Variants in HPCAL1 observed in about 807,000 individuals in gnomAD.
HPCAL1 encodes the protein hippocalcin like 1.
Under a neutral mutation model 17.1 loss-of-function variants are expected in HPCAL1, and 8 were observed. The ratio of observed to expected loss-of-function variants is 0.47; its 90% confidence interval spans 0.27 to 0.84. The LOEUF (loss-of-function observed/expected upper bound fraction) is 0.84, where lower values mean the gene tolerates loss of function less well. HPCAL1 is among the 40% of genes least tolerant of loss of function. The pLI is 0.13. For missense variants in HPCAL1, 165 were observed against 271.1 expected (o/e 0.61, Z 2.75); for synonymous variants, 112 against 111.4 (o/e 1.01, Z -0.03).
intron 1 of HPCAL1, among the ~76,000 whole-genome samples, chr2:10,316,935 T>TA (rs953692887): frequency 6.6e-6 from 1 of 152,076 alleles, no homozygotes; most frequent in Non-Finnish European, 1.5e-5. Context: ...GATACCACAT[T>TA]AAAAAAAATT....
intron 1 of HPCAL1, among the ~76,000 whole-genome samples, chr2:10,315,292 C>CA (rs5829256): frequency 0.57 from 76,953 of 134,182 alleles, 20,670 homozygotes; most frequent in East Asian, 0.79. Context: ...GACTCCGTCT[C>CA]AAAAAAAAAA....
At chr2:10,314,507 G>T (rs1663184040) in intron 1 of HPCAL1, among the ~76,000 whole-genome samples, 1 of 152,212 alleles carries the variant, frequency 6.6e-6, no homozygotes, top group Admixed American at 6.5e-5. Context: ...AGCATTGAAG[G>T]TTGGCAGTCA....
chr2:10,373,806 GC>G (rs1667377577), intron 1 of HPCAL1, among the ~76,000 whole-genome samples: 1 of 152,090 alleles, frequency 6.6e-6, no homozygotes, highest in Non-Finnish European at 1.5e-5. Context: ...GGGAGGCTCA[GC>G]CCCCACACTG....
intron 2 of HPCAL1, chr2:10,408,725 G>A (rs1468684061): frequency 6.6e-6 from 1 of 152,220 alleles, no homozygotes; most frequent in Non-Finnish European, 1.5e-5. Context: ...GAACCGTGTG[G>A]GACTCACAGG....
At chr2:10,318,017 G>T (rs1250029664) in intron 1 of HPCAL1, among the ~76,000 whole-genome samples, 2 of 152,134 alleles carry the variant, frequency 1.3e-5, no homozygotes, top group African/African-American at 2.4e-5. Context: ...TTATTCAGAG[G>T]CATTTTTCAG....
rs115464761 is a variant in HPCAL1, at chr2:10,404,752, C to T, written c.-25+7832C>T. ...TTTTCTTTATTTTCTCTTTGAAGAACAGGAGTTGGAATTTCACTCACCCTG... is the reference window on the plus strand; with the variant it reads ...TTTTCTTTATTTTCTCTTTGAAGAATAGGAGTTGGAATTTCACTCACCCTG... On this transcript the variant is annotated intron_variant, in intron 2 of 4. Transcript: ENST00000307845. 4.3e-3 allele frequency among the ~76,000 whole-genome samples: 658 copies of T among 152,326 alleles called. 7 individuals are homozygous for T. The highest frequency in any genetic ancestry group is 0.015 in the African/African-American group (635 of 41,588).
chr2:10,420,210 T>A, intron 3 of HPCAL1, 75 bp downstream of exon 3: 3 of 270,228 alleles, frequency 1.1e-5, no homozygotes, highest in Non-Finnish European at 9.7e-6. Flanking sequence ...AGCCCAGGGC[T>A]TTTTTTTTTT....
chr2:10,399,501 ATCACCACCACCG>A (rs1558518541), intron 2 of HPCAL1, among the ~76,000 whole-genome samples: 54 of 139,036 alleles, frequency 3.9e-4, no homozygotes, highest in African/African-American at 1.4e-3. Context: ...CACCATCACC[ATCACCACCACCG>A]CCGCCACCAC....
At chr2:10,355,959 C>CATT (rs2125474639) in intron 1 of HPCAL1, among the ~76,000 whole-genome samples, 1 of 152,250 alleles carries the variant, frequency 6.6e-6, no homozygotes, top group South Asian at 2.1e-4. Context: ...TTGGAGAGTG[C>CATT]ATTCTCTTCC....
Position 10,343,668 on chromosome 2 carries a change from A to T in HPCAL1, c.-111+40491A>T, listed in dbSNP as rs547708929. 6.6e-5 allele frequency among the ~76,000 whole-genome samples: 10 copies of T among 152,378 alleles called. No homozygotes were observed. In the East Asian group the frequency reaches 1.5e-3, roughly 23 times the overall value. ...ATTGACCGTGGCCAATGCCAAGTCC[A>T]AGAGATCAGGCTGAAACCAGGCTAA... is the stretch of plus-strand genomic sequence containing the variant. On this transcript the variant is annotated intron_variant, in intron 1 of 4. Coordinates refer to ENST00000307845, the MANE Select transcript of HPCAL1 (RefSeq NM_002149.4). The surrounding 1 kb of genome is among the most constrained non-coding windows in gnomAD (Gnocchi z 4.8).
At chr2:10,402,639 A>C (rs1004440683) in intron 2 of HPCAL1, among the ~76,000 whole-genome samples, 5 of 152,206 alleles carry the variant, frequency 3.3e-5, no homozygotes, top group African/African-American at 1.2e-4. Flanking sequence ...CCATTTTATT[A>C]ATAATGATTT....
At position 10,384,376 on chromosome 2, in the gene HPCAL1, GT is replaced by G. The variant is rs757705106; in HGVS notation, c.-110-12455del. 6.6e-6 allele frequency among the ~76,000 whole-genome samples: 1 copy of G among 152,150 alleles called. No individual in the cohort carries two copies. The highest frequency in any genetic ancestry group is 1.5e-5 in the Non-Finnish European group (1 of 68,016). ...CCCCGTGGGATGTCTGGAGGGAAGG[GT>G]TTTGGGCACCCACCCTGGGGAGAGA... On this transcript the variant is annotated intron_variant, in intron 1 of 4. Coordinates refer to ENST00000307845, the MANE Select transcript of HPCAL1 (RefSeq NM_002149.4). This position sits in a 1 kb window ranked among gnomAD's most constrained non-coding sequence, Gnocchi z 4.4.
intron 1 of HPCAL1, among the ~76,000 whole-genome samples, chr2:10,351,880 GTTCC>G (rs1279317448): frequency 1.3e-5 from 2 of 151,262 alleles, no homozygotes; most frequent in African/African-American, 2.4e-5. Context: ...TCACCATTGA[GTTCC>G]TTCCTTCCTT....
At chr2:10,376,804 A>G (rs984692411) in intron 1 of HPCAL1, among the ~76,000 whole-genome samples, 5 of 152,138 alleles carry the variant, frequency 3.3e-5, no homozygotes, top group African/African-American at 7.2e-5. Flanking sequence ...ACATTTTTAC[A>G]TACTGTATTG....
chr2:10,314,779 AG>A (rs1663202385), intron 1 of HPCAL1, among the ~76,000 whole-genome samples: 1 of 152,238 alleles, frequency 6.6e-6, no homozygotes, highest in Non-Finnish European at 1.5e-5. Flanking sequence ...TTCAGACAAA[AG>A]TATATGTAGT....
chr2:10,312,918 A>G (rs1020922412), intron 1 of HPCAL1, among the ~76,000 whole-genome samples: 3 of 152,102 alleles, frequency 2.0e-5, no homozygotes, highest in African/African-American at 7.2e-5. Context: ...CACTGTCACC[A>G]CCATCACCAT....
At chr2:10,332,086 AGC>A (rs1664422314) in intron 1 of HPCAL1, among the ~76,000 whole-genome samples, 1 of 151,786 alleles carries the variant, frequency 6.6e-6, no homozygotes, top group South Asian at 2.1e-4. Flanking sequence ...CTTCAGAGGG[AGC>A]GCTCCTTGTC....
chr2:10,364,622 T>TC (rs1666733428), intron 1 of HPCAL1, among the ~76,000 whole-genome samples: 1 of 151,476 alleles, frequency 6.6e-6, no homozygotes, highest in South Asian at 2.1e-4. Flanking sequence ...GCTCACTCTG[T>TC]CACCCAGGCT....
At chr2:10,397,495 A>G (rs999048754) in intron 2 of HPCAL1, among the ~76,000 whole-genome samples, 1 of 147,662 alleles carries the variant, frequency 6.8e-6, no homozygotes, top group Non-Finnish European at 1.5e-5. Context: ...GGTCTGTCTG[A>G]ATCCGCCACC....
Sources: allele counts gnomAD v4.1 joint callset (sites outside exome capture counted in the v4.1 genomes callset), GRCh38; gene constraint gnomAD v4.1.1; non-coding constraint Gnocchi (gnomAD v3.1); transcripts MANE v1.5; gene names NCBI Gene and HGNC (gene_info 2026-07-23, HGNC 2026-07-21).